ADAMTS17: variants seen among roughly 807,000 people sequenced by gnomAD.
ADAMTS17 encodes the protein ADAM metallopeptidase with thrombospondin type 1 motif 17.
ADAMTS17 carries 113 observed loss-of-function variants against 141.5 expected under a neutral mutation model. That is an observed-to-expected ratio of 0.80 (90% CI 0.69 to 0.93). ADAMTS17 has a LOEUF of 0.93. ADAMTS17 is among the 40% of genes least tolerant of loss of function. ADAMTS17 has a pLI of 0.00. For synonymous variants in ADAMTS17, 768 were observed against 630.6 expected (o/e 1.22, Z -3.27); for missense variants, 1,659 against 1,517.9 (o/e 1.09, Z -1.54).
chr15:100,194,708 T>C (rs936471049), intron 8 of ADAMTS17, among the ~76,000 whole-genome samples: 9 of 152,100 alleles, frequency 5.9e-5, no homozygotes, highest in Admixed American at 5.9e-4. Flanking sequence ...TAAAACCAAA[T>C]TGTGATCGGC....
intron 2 of ADAMTS17, among the ~76,000 whole-genome samples, chr15:100,332,180 CTG>C (rs1293521002): frequency 6.6e-6 from 1 of 152,244 alleles, no homozygotes; most frequent in Non-Finnish European, 1.5e-5. Context: ...CCAAATAAAA[CTG>C]TCTCAAAGTG....
intron 3 of ADAMTS17, among the ~76,000 whole-genome samples, chr15:100,317,354 A>C (rs1251725432): frequency 6.6e-6 from 1 of 152,196 alleles, no homozygotes; most frequent in Non-Finnish European, 1.5e-5. Context: ...TCTGGAAAGC[A>C]CTGAAGTCCC....
chr15:100,217,717 A>G (rs1182448524), intron 7 of ADAMTS17, among the ~76,000 whole-genome samples: 3 of 152,276 alleles, frequency 2.0e-5, no homozygotes, highest in Non-Finnish European at 4.4e-5. Flanking sequence ...GAAATTTTTT[A>G]TGCTTCGGAA....
At chr15:100,021,151 T>C (rs1312129706) in intron 18 of ADAMTS17, among the ~76,000 whole-genome samples, 1 of 152,180 alleles carries the variant, frequency 6.6e-6, no homozygotes, top group Non-Finnish European at 1.5e-5. Flanking sequence ...ACTCTCCACC[T>C]GGGAGGCTTC....
At chr15:100,324,692 C>A (rs1428977793) in intron 3 of ADAMTS17, among the ~76,000 whole-genome samples, 2 of 152,230 alleles carry the variant, frequency 1.3e-5, no homozygotes, top group Admixed American at 6.5e-5. Flanking sequence ...CTCTAGCTCC[C>A]AGCTTAGTGC....
chr15:100,164,858 T>A (rs1472559101), intron 8 of ADAMTS17, among the ~76,000 whole-genome samples: 3 of 152,194 alleles, frequency 2.0e-5, no homozygotes, highest in Non-Finnish European at 4.4e-5. Context: ...TCTTGGTAAG[T>A]GGCTACCCCC....
intron 20 of ADAMTS17, among the ~76,000 whole-genome samples, chr15:99,977,411 T>A (rs1833098421): frequency 3.9e-5 from 3 of 76,740 alleles, no homozygotes; most frequent in African/African-American, 1.8e-4. Context: ...ATTTTTTTTT[T>A]TTTTTTTTTT....
intron 18 of ADAMTS17, among the ~76,000 whole-genome samples, chr15:100,044,461 T>C (rs562676412): frequency 3.2e-4 from 48 of 152,374 alleles, no homozygotes; most frequent in Admixed American, 2.3e-3. Context: ...GAGTGAATTT[T>C]TAAAATTTCA....
At chr15:100,152,827 C>CTTTTTTTTT in intron 9 of ADAMTS17, 65 bp from the exon 10 acceptor site, 1 of 1,423,328 alleles carries the variant, frequency 7.0e-7, no homozygotes, top group Non-Finnish European at 9.5e-7. Context: ...TTTTCTTTTT[C>CTTTTTTTTT]TTTTTTTTTT....
At chr15:100,333,528 C>T (rs770986085) in intron 2 of ADAMTS17, among the ~76,000 whole-genome samples, 7 of 152,148 alleles carry the variant, frequency 4.6e-5, no homozygotes, top group Non-Finnish European at 8.8e-5. Flanking sequence ...TGAGAAGCGC[C>T]GTCCTAGCTT....
chr15:100,119,522 T>C (rs1193991543), intron 12 of ADAMTS17, among the ~76,000 whole-genome samples: 1 of 152,248 alleles, frequency 6.6e-6, no homozygotes, highest in Non-Finnish European at 1.5e-5. Flanking sequence ...TCGAGCTTCC[T>C]TTTACGCTTC....
intron 15 of ADAMTS17, among the ~76,000 whole-genome samples, chr15:100,062,878 G>T (rs1453333108): frequency 6.6e-6 from 1 of 152,108 alleles, no homozygotes; most frequent in African/African-American, 2.4e-5. Flanking sequence ...AGAAGGGCAG[G>T]GGCCACAGCA....
chr15:100,022,580 G>C (rs1035056913), intron 18 of ADAMTS17, among the ~76,000 whole-genome samples: 2 of 152,154 alleles, frequency 1.3e-5, no homozygotes, highest in Non-Finnish European at 2.9e-5. Flanking sequence ...ACAGTAATTA[G>C]TCTCAATTAA....
At chr15:100,315,400 G>C (rs2045533505) in intron 3 of ADAMTS17, among the ~76,000 whole-genome samples, 1 of 152,186 alleles carries the variant, frequency 6.6e-6, no homozygotes, top group South Asian at 2.1e-4. Flanking sequence ...TCTCAAGGAG[G>C]GTGGCTGTGT....
At chr15:100,312,080 C>G (rs368633399) in intron 3 of ADAMTS17, among the ~76,000 whole-genome samples, 10 of 152,202 alleles carry the variant, frequency 6.6e-5, no homozygotes, top group African/African-American at 2.4e-4. Context: ...CATGGCCTCC[C>G]AACACCCCAA....
At chr15:100,158,313 C>CT (rs2039530536) in intron 8 of ADAMTS17, among the ~76,000 whole-genome samples, 1 of 152,134 alleles carries the variant, frequency 6.6e-6, no homozygotes, top group Non-Finnish European at 1.5e-5. Flanking sequence ...CTCCATTCAG[C>CT]TTTAAAAAAA....
At chr15:99,999,221 G>A (rs1036172518) in intron 18 of ADAMTS17, among the ~76,000 whole-genome samples, 1 of 152,124 alleles carries the variant, frequency 6.6e-6, no homozygotes, top group Non-Finnish European at 1.5e-5. Context: ...TTCTGAGGGG[G>A]GCAGACCATA....
In ADAMTS17 at chr15:100,278,139, G is replaced by A. The variant is rs552054001; in HGVS notation, c.789+3090C>T. 6.6e-5 allele frequency among the ~76,000 whole-genome samples: 10 copies of A among 152,282 alleles called. No homozygotes were observed. In the South Asian group the frequency reaches 2.1e-3, roughly 32 times the overall value. On this transcript the variant is annotated intron_variant, in intron 4 of 21. Coordinates refer to ENST00000268070, the MANE Select transcript of ADAMTS17 (RefSeq NM_139057.4). Reference sequence around the variant, plus strand: ...TAGAATGGAGGTTGGCAGGGGCTGGGGGAGAGGGAAAGGGGGAAGATAGTG... The same window carrying A: ...TAGAATGGAGGTTGGCAGGGGCTGGAGGAGAGGGAAAGGGGGAAGATAGTG...
intron 15 of ADAMTS17, among the ~76,000 whole-genome samples, chr15:100,070,932 C>CA (rs1327876464): frequency 2.0e-5 from 3 of 150,016 alleles, no homozygotes; most frequent in Non-Finnish European, 4.4e-5. Flanking sequence ...AAAAACCCTT[C>CA]AAAAAATCCA....
Sources: allele counts gnomAD v4.1 joint callset (sites outside exome capture counted in the v4.1 genomes callset), GRCh38; gene constraint gnomAD v4.1.1; transcripts MANE v1.5; gene names NCBI Gene and HGNC (gene_info 2026-07-23, HGNC 2026-07-21).